RGS7: variants seen among roughly 807,000 people sequenced by gnomAD.
The protein encoded by RGS7 is regulator of G protein signaling 7.
A neutral mutation model predicts 81.1 loss-of-function variants in RGS7; 27 were observed. The observed-to-expected ratio is 0.33, with a 90% CI of 0.25 to 0.46. The LOEUF is 0.46. Ranked by LOEUF, RGS7 falls within the 20% of genes least tolerant of loss-of-function variation. The probability of loss-of-function intolerance (pLI) is 1.00; values close to 1 mark genes in which losing one functional copy is unlikely to be tolerated. For synonymous variants in RGS7, 208 were observed against 207.7 expected, an observed-to-expected ratio of 1.00 and a Z score of -0.01; for missense variants, 396 against 607.4, an observed-to-expected ratio of 0.65 and a Z score of 3.66.
chr1:241,168,880 G>A (rs2070491617), intron 2 of RGS7, among the ~76,000 whole-genome samples: 1 of 152,032 alleles, frequency 6.6e-6, no homozygotes. Context: ...GGAGGAAGCA[G>A]GCCACCATGA....
At chr1:240,933,836 G>A (rs1031220398) in intron 5 of RGS7, among the ~76,000 whole-genome samples, 19 of 151,620 alleles carry the variant, frequency 1.3e-4, no homozygotes, top group African/African-American at 4.1e-4. Flanking sequence ...GTGACTTTAC[G>A]GTAAATTTAA....
intron 2 of RGS7, among the ~76,000 whole-genome samples, chr1:241,350,792 G>A (rs2083199621): frequency 6.6e-6 from 1 of 150,822 alleles, no homozygotes; most frequent in Non-Finnish European, 1.5e-5. Flanking sequence ...TTCACGACGG[G>A]GATTTCGGCG....
intron 2 of RGS7, among the ~76,000 whole-genome samples, chr1:241,312,895 A>G (rs1191647912): frequency 6.6e-6 from 1 of 152,224 alleles, no homozygotes; most frequent in African/African-American, 2.4e-5. Flanking sequence ...GAAGAAAATT[A>G]AAAGTGCTAC....
At chr1:241,235,234 CACAACTAATT>C (rs1162387102) in intron 2 of RGS7, among the ~76,000 whole-genome samples, 1 of 152,224 alleles carries the variant, frequency 6.6e-6, no homozygotes, top group Non-Finnish European at 1.5e-5. Flanking sequence ...AGAGAGGTGA[CACAACTAATT>C]CCAGGCCACA....
At chr1:240,882,633 C>A (rs1426836718) in intron 6 of RGS7, among the ~76,000 whole-genome samples, 3 of 152,140 alleles carry the variant, frequency 2.0e-5, no homozygotes, top group Non-Finnish European at 2.9e-5. Flanking sequence ...GAGACAATTC[C>A]ACTCTGGCTC....
chr1:241,308,241 C>T (rs1309332062), intron 2 of RGS7, among the ~76,000 whole-genome samples: 2 of 152,076 alleles, frequency 1.3e-5, no homozygotes, highest in East Asian at 1.9e-4. Flanking sequence ...ATAGGGCCAG[C>T]CTGTTCTCTC....
intron 18 of RGS7, among the ~76,000 whole-genome samples, chr1:240,794,171 G>T (rs1970533): frequency 6.6e-6 from 1 of 151,770 alleles, no homozygotes; most frequent in African/African-American, 2.4e-5. Flanking sequence ...GACTCACTCT[G>T]TGGAGCTCTT....
chr1:240,897,345 T>A (rs576509805), intron 6 of RGS7, among the ~76,000 whole-genome samples: 89 of 152,350 alleles, frequency 5.8e-4, no homozygotes, highest in African/African-American at 2.0e-3. Context: ...AGAGAGGGCA[T>A]CCCTGTCTTG....
intron 2 of RGS7, among the ~76,000 whole-genome samples, chr1:241,115,417 A>G (rs1226502723): frequency 6.6e-6 from 1 of 152,224 alleles, no homozygotes; most frequent in African/African-American, 2.4e-5. Context: ...CCATGGGTAT[A>G]AAATTACATG....
At chr1:241,306,661 C>CA in intron 2 of RGS7, among the ~76,000 whole-genome samples, 1 of 87,828 alleles carries the variant, frequency 1.1e-5, no homozygotes, top group Admixed American at 1.1e-4. Flanking sequence ...CACACAAATA[C>CA]ATGTCCACCC....
intron 2 of RGS7, among the ~76,000 whole-genome samples, chr1:241,122,111 T>C (rs377004246): frequency 7.2e-5 from 11 of 152,344 alleles, no homozygotes; most frequent in African/African-American, 2.2e-4. Flanking sequence ...GCAGCTGCTA[T>C]CTTCAGTGAC....
chr1:240,964,094 C>T (rs1357500584), intron 4 of RGS7, among the ~76,000 whole-genome samples: 2 of 152,190 alleles, frequency 1.3e-5, no homozygotes, highest in African/African-American at 4.8e-5. Context: ...GGAAGCTCAA[C>T]ACAGACAGCA....
At chr1:240,824,971 A>G (rs974827001) in intron 10 of RGS7, among the ~76,000 whole-genome samples, 1 of 152,160 alleles carries the variant, frequency 6.6e-6, no homozygotes, top group African/African-American at 2.4e-5. Flanking sequence ...ACAGGAACTG[A>G]ACTTGCCACC....
intron 2 of RGS7, among the ~76,000 whole-genome samples, chr1:241,213,156 G>A (rs900728023): frequency 9.2e-5 from 14 of 152,124 alleles, no homozygotes; most frequent in East Asian, 1.9e-4. Flanking sequence ...AAAGGATGAC[G>A]ACTCACTGAT....
chr1:241,024,505 C>CTAG (rs2059691242), intron 3 of RGS7, among the ~76,000 whole-genome samples: 1 of 152,078 alleles, frequency 6.6e-6, no homozygotes, highest in African/African-American at 2.4e-5. Flanking sequence ...GGATGATGAG[C>CTAG]TAGTATACCA....
At chr1:240,921,391 C>T (rs769413502) in intron 6 of RGS7, among the ~76,000 whole-genome samples, 3 of 151,804 alleles carry the variant, frequency 2.0e-5, no homozygotes, top group African/African-American at 4.8e-5. Flanking sequence ...TGTCCCCTCT[C>T]GCTACTCCTA....
intron 6 of RGS7, among the ~76,000 whole-genome samples, chr1:240,930,321 G>A (rs1675210466): frequency 7.0e-6 from 1 of 143,142 alleles, no homozygotes; most frequent in South Asian, 2.2e-4. Flanking sequence ...AGTGAGAAAA[G>A]CGGACCCTTG....
intron 10 of RGS7, among the ~76,000 whole-genome samples, chr1:240,817,377 C>T (rs781472348): frequency 6.6e-6 from 1 of 152,148 alleles, no homozygotes; most frequent in East Asian, 1.9e-4. Context: ...TACAAAGACA[C>T]TTTTGAAATT....
At chr1:240,930,222 CT>C (rs10676730) in intron 6 of RGS7, among the ~76,000 whole-genome samples, 1,411 of 113,864 alleles carry the variant, frequency 0.012, 15 homozygotes, top group African/African-American at 0.031. Flanking sequence ...TCTTTTTTAG[CT>C]TTTTTTTTTT....
Sources: allele counts gnomAD v4.1 joint callset (sites outside exome capture counted in the v4.1 genomes callset), GRCh38; gene constraint gnomAD v4.1.1; transcripts MANE v1.5; gene names NCBI Gene and HGNC (gene_info 2026-07-23, HGNC 2026-07-21).